The following PDE4B variants were observed in gnomAD, a reference collection of about 807,000 sequenced individuals.
PDE4B encodes phosphodiesterase 4B, also known as 3',5'-cyclic-AMP phosphodiesterase 4B.
PDE4B carries 20 observed loss-of-function variants against 82.2 expected under a neutral mutation model. That is an observed-to-expected ratio of 0.24 (90% CI 0.17 to 0.35). The LOEUF (loss-of-function observed/expected upper bound fraction) is 0.35, where lower values mean the gene tolerates loss of function less well. Among genes scored for constraint, PDE4B ranks in the 10% least tolerant of loss-of-function variants. The probability of loss-of-function intolerance (pLI) is 1.00; values close to 1 mark genes in which losing one functional copy is unlikely to be tolerated. For synonymous variants in PDE4B, 320 were observed against 318.9 expected (o/e 1.00, Z -0.04); for missense variants, 655 against 907.2 (o/e 0.72, Z 3.57).
At chr1:66,236,427 GA>G (rs1652459997) in intron 3 of PDE4B, among the ~76,000 whole-genome samples, 1 of 151,796 alleles carries the variant, frequency 6.6e-6, no homozygotes, top group East Asian at 1.9e-4. Context: ...ATTTTAATAA[GA>G]AGAAAAAAAA....
At chr1:66,287,144 A>G (rs919588223) in intron 7 of PDE4B, among the ~76,000 whole-genome samples, 1 of 152,152 alleles carries the variant, frequency 6.6e-6, no homozygotes, top group Admixed American at 6.6e-5. Flanking sequence ...ACTAACAATT[A>G]AAGTGGATGG....
At chr1:66,316,546 A>G (rs771147239) in intron 7 of PDE4B, among the ~76,000 whole-genome samples, 1 of 152,250 alleles carries the variant, frequency 6.6e-6, no homozygotes, top group Non-Finnish European at 1.5e-5. Context: ...AAACATTTAC[A>G]GTCCTGTCTG....
rs77765942 is a variant in PDE4B at position 66,065,857 on chromosome 1, G to A, written c.281+147022G>A. Among the ~76,000 whole-genome samples the A allele has an allele frequency of 2.5e-3, 377 of 151,808 alleles. 3 individuals carry two copies. The highest frequency in any genetic ancestry group is 8.7e-3 in the African/African-American group (362 of 41,448). On this transcript the variant is annotated intron_variant, in intron 3 of 16. Coordinates refer to ENST00000341517, the MANE Select transcript of PDE4B (RefSeq NM_002600.4). ...ATGAATATACATATGCATGTTGTAC[G>A]CTTACCGAGTTCATAATTAACTCCA...
chr1:66,038,113 A>T (rs1451047808), intron 3 of PDE4B, among the ~76,000 whole-genome samples: 6 of 152,138 alleles, frequency 3.9e-5, no homozygotes, highest in Admixed American at 2.6e-4. Context: ...CTGGTATGGG[A>T]CATAATTACA....
At chr1:65,926,197 G>A (rs148431593) in intron 3 of PDE4B, among the ~76,000 whole-genome samples, 54 of 152,260 alleles carry the variant, frequency 3.5e-4, no homozygotes, top group African/African-American at 1.2e-3. Flanking sequence ...TGCACCTTTG[G>A]TGAGAAAAGT....
At chr1:65,801,123 C>T (rs1208539741) in intron 1 of PDE4B, among the ~76,000 whole-genome samples, 1 of 152,108 alleles carries the variant, frequency 6.6e-6, no homozygotes, top group Non-Finnish European at 1.5e-5. Flanking sequence ...GTCTGTTTCC[C>T]CTGTCTCTTA....
chr1:65,870,936 T>C (rs1009401972), intron 1 of PDE4B, among the ~76,000 whole-genome samples: 1 of 152,106 alleles, frequency 6.6e-6, no homozygotes, highest in African/African-American at 2.4e-5. Flanking sequence ...TCAAGAGAGT[T>C]AGACACCAAA....
chr1:66,254,989 G>A (rs992187438), intron 4 of PDE4B, among the ~76,000 whole-genome samples: 5 of 150,904 alleles, frequency 3.3e-5, no homozygotes, highest in African/African-American at 1.2e-4. Flanking sequence ...ACCTTCCCTG[G>A]CTCCTTTCTC....
At position 65,974,205 on chromosome 1, in the gene PDE4B, C is replaced by A. The variant is rs139763506; in HGVS notation, c.281+55370C>A. Among the ~76,000 whole-genome samples the A allele has an allele frequency of 1.4e-4, 21 of 152,066 alleles. No individual in the cohort carries two copies. In the East Asian group the frequency reaches 4.1e-3, roughly 29 times the overall value. On this transcript the variant is annotated intron_variant, in intron 3 of 16. Coordinates refer to ENST00000341517, the MANE Select transcript of PDE4B (RefSeq NM_002600.4). ...TTAGAGATTTCCTCCTTACATGTGG[C>A]GATAATAAAGTACTTTTAATAAACT...
At chr1:65,933,965 T>C (rs1249488310) in intron 3 of PDE4B, among the ~76,000 whole-genome samples, 2 of 152,176 alleles carry the variant, frequency 1.3e-5, no homozygotes, top group African/African-American at 4.8e-5. Context: ...ATCTATAACA[T>C]AGTGTGTGAT....
chr1:65,855,360 G>A (rs1053305302), intron 1 of PDE4B, among the ~76,000 whole-genome samples: 5 of 152,004 alleles, frequency 3.3e-5, no homozygotes, highest in Non-Finnish European at 7.4e-5. Context: ...CCCAGCTGTT[G>A]GTTGGTTAAC....
intron 3 of PDE4B, among the ~76,000 whole-genome samples, chr1:66,165,944 C>A: frequency 1.4e-5 from 2 of 147,332 alleles, no homozygotes. Context: ...CAAATCAAAC[C>A]TTGAGGGGAA....
At chr1:66,332,444 G>T (rs762821824) in intron 7 of PDE4B, 64 bp from the exon 8 acceptor site, 1 of 1,614,098 alleles carries the variant, frequency 6.2e-7, no homozygotes, top group East Asian at 2.2e-5. Flanking sequence ...TGGTAGCGGT[G>T]ACTCTGCTAT....
chr1:65,871,836 A>G (rs903644571), intron 1 of PDE4B, among the ~76,000 whole-genome samples: 9 of 152,218 alleles, frequency 5.9e-5, no homozygotes, highest in African/African-American at 1.4e-4. Flanking sequence ...ATGAAATTCT[A>G]TCTCTAGATG....
intron 1 of PDE4B, among the ~76,000 whole-genome samples, chr1:65,863,791 T>C (rs1646480333): frequency 3.3e-5 from 5 of 152,206 alleles, no homozygotes; most frequent in African/African-American, 1.2e-4. Flanking sequence ...TCTTTGTCAG[T>C]TAAAGTCTGT....
intron 12 of PDE4B, among the ~76,000 whole-genome samples, chr1:66,363,906 T>C (rs1309971110): frequency 2.0e-5 from 3 of 152,230 alleles, no homozygotes; most frequent in African/African-American, 7.2e-5. Context: ...GAGCTATTTA[T>C]AAAAAATGAA....
chr1:65,945,552 G>A (rs1244339507), intron 3 of PDE4B, among the ~76,000 whole-genome samples: 1 of 151,916 alleles, frequency 6.6e-6, no homozygotes, highest in Non-Finnish European at 1.5e-5. Flanking sequence ...TGGTCTCCTT[G>A]AGAGATGGTC....
At position 66,030,951 on chromosome 1, in the gene PDE4B, G is replaced by T. The variant is rs577491973; in HGVS notation, c.281+112116G>T. 3.3e-5 allele frequency among the ~76,000 whole-genome samples: 5 copies of T among 152,286 alleles called. No individual in the cohort carries two copies. In the South Asian group the frequency reaches 1.0e-3, roughly 32 times the overall value. ...AAATACAGGAATGATAGACCCTGGG[G>T]ACCACTAGAAGAGGGAGGGAGGGAA... On this transcript the variant is annotated intron_variant, in intron 3 of 16. Coordinates refer to ENST00000341517, the MANE Select transcript of PDE4B (RefSeq NM_002600.4).
At chr1:65,842,183 G>T (rs918959093) in intron 1 of PDE4B, among the ~76,000 whole-genome samples, 4 of 152,034 alleles carry the variant, frequency 2.6e-5, no homozygotes, top group African/African-American at 9.7e-5. Context: ...GTCATGCCAG[G>T]CATATTTATT....
Sources: gnomAD v4.1 joint callset for allele counts (sites outside exome capture counted in the v4.1 genomes callset) on GRCh38, gnomAD v4.1.1 for gene constraint, MANE v1.5 for transcripts, NCBI Gene and HGNC (gene_info 2026-07-23, HGNC 2026-07-21) for gene names.